SORCS3: variants seen among roughly 807,000 people sequenced by gnomAD.
SORCS3 encodes VPS10 domain-containing receptor SorCS3.
Under a neutral mutation model 146.3 loss-of-function variants are expected in SORCS3, and 57 were observed. The observed-to-expected ratio is 0.39, with a 90% CI of 0.31 to 0.49. SORCS3 has a LOEUF of 0.49. SORCS3 is among the 20% of genes least tolerant of loss of function. The pLI is 0.92. For synonymous variants in SORCS3, 653 were observed against 618.5 expected (o/e 1.06, Z -0.83); for missense variants, 1,341 against 1,575.5 (o/e 0.85, Z 2.52).
intron 4 of SORCS3, among the ~76,000 whole-genome samples, chr10:104,997,024 A>C (rs2055031574): frequency 6.6e-6 from 1 of 152,148 alleles, no homozygotes. Flanking sequence ...AGGATATTCT[A>C]GATAGTGCAA....
At chr10:105,162,581 C>T (rs959476405) in intron 11 of SORCS3, among the ~76,000 whole-genome samples, 1 of 152,218 alleles carries the variant, frequency 6.6e-6, no homozygotes, top group African/African-American at 2.4e-5. Context: ...AACCAACTTT[C>T]TGGTCTCTGT....
At chr10:104,642,015 T>TGGGGGGGGGGGGGG in intron 1 of SORCS3, 61 bp downstream of exon 1, 1 of 72,126 alleles carries the variant, frequency 1.4e-5, no homozygotes, top group Non-Finnish European at 2.7e-5. Flanking sequence ...AATGGGGGGG[T>TGGGGGGGGGGGGGG]GGGTGGGAGC....
At chr10:104,911,578 G>A (rs1436383470) in intron 2 of SORCS3, among the ~76,000 whole-genome samples, 2 of 152,148 alleles carry the variant, frequency 1.3e-5, no homozygotes, top group Non-Finnish European at 1.5e-5. Flanking sequence ...TAAGACTTTT[G>A]CTATAGATAG....
intron 16 of SORCS3, among the ~76,000 whole-genome samples, chr10:105,208,603 G>A (rs1241791570): frequency 6.7e-6 from 1 of 149,944 alleles, no homozygotes; most frequent in Non-Finnish European, 1.5e-5. Flanking sequence ...CACCTCAATA[G>A]CATGGACAAT....
At chr10:104,648,312 T>A (rs2015518599) in intron 1 of SORCS3, among the ~76,000 whole-genome samples, 1 of 151,644 alleles carries the variant, frequency 6.6e-6, no homozygotes, top group Non-Finnish European at 1.5e-5. Context: ...ACCCTGCTTA[T>A]TTTTTTTTCT....
intron 2 of SORCS3, among the ~76,000 whole-genome samples, chr10:104,901,671 C>T (rs996887400): frequency 6.6e-6 from 1 of 152,176 alleles, no homozygotes; most frequent in Non-Finnish European, 1.5e-5. Flanking sequence ...CCAGCCTTTC[C>T]TGGTGGTCTT....
rs2056448830 is a variant in SORCS3 at position 105,182,408 on chromosome 10, G to A, written c.2009+4235G>A. On this transcript the variant is annotated intron_variant, in intron 14 of 26. Coordinates refer to ENST00000369701, the MANE Select transcript of SORCS3 (RefSeq NM_014978.3). ...AAGAGGCAAAATAAGAGCAAGGAAT[G>A]TGAATTTCAAGCTCCAGGCTTGAAG... Among the ~76,000 whole-genome samples the A allele has an allele frequency of 2.6e-5, 4 of 152,024 alleles. No individual in the cohort carries two copies. The South Asian group carries it at 8.4e-4, about 32-fold the overall frequency.
intron 1 of SORCS3, among the ~76,000 whole-genome samples, chr10:104,816,716 C>G (rs1263284462): frequency 6.6e-6 from 1 of 152,142 alleles, no homozygotes; most frequent in Non-Finnish European, 1.5e-5. Context: ...GCTTGGAGGT[C>G]CCAGCTCTGC....
intron 1 of SORCS3, among the ~76,000 whole-genome samples, chr10:104,677,738 T>C (rs773919351): frequency 6.6e-6 from 1 of 152,184 alleles, no homozygotes; most frequent in Non-Finnish European, 1.5e-5. Flanking sequence ...TTCTGTAAGA[T>C]ATCCCTATAT....
chr10:105,202,798 G>C (rs1401091206), intron 16 of SORCS3, among the ~76,000 whole-genome samples: 1 of 152,156 alleles, frequency 6.6e-6, no homozygotes, highest in African/African-American at 2.4e-5. Context: ...TCCGATCCCA[G>C]CTGGATGAAT....
At chr10:104,693,680 T>G (rs72813622) in intron 1 of SORCS3, among the ~76,000 whole-genome samples, 6,467 of 152,192 alleles carry the variant, frequency 0.042, 189 homozygotes, top group Non-Finnish European at 0.065. Context: ...CACTCTCCAT[T>G]TAACAATTGA....
chr10:104,980,504 T>C (rs2054925931), intron 4 of SORCS3, among the ~76,000 whole-genome samples: 1 of 152,222 alleles, frequency 6.6e-6, no homozygotes, highest in Non-Finnish European at 1.5e-5. Context: ...TTGAGATTGA[T>C]ATACAAATGT....
At chr10:105,244,958 A>G (rs1389021931) in intron 20 of SORCS3, among the ~76,000 whole-genome samples, 2 of 151,728 alleles carry the variant, frequency 1.3e-5, no homozygotes, top group Admixed American at 6.6e-5. Flanking sequence ...AGTCCCAGCT[A>G]CTAGGGAGGT....
intron 17 of SORCS3, 73 bp downstream of exon 17, chr10:105,211,323 T>C (rs1341639162): frequency 8.0e-6 from 8 of 1,004,648 alleles, no homozygotes; most frequent in Non-Finnish European, 1.3e-5. Context: ...AGGAAATGCA[T>C]TGCTATTGAA....
At chr10:105,205,018 G>A (rs571235093) in intron 16 of SORCS3, among the ~76,000 whole-genome samples, 1 of 152,152 alleles carries the variant, frequency 6.6e-6, no homozygotes, top group Admixed American at 6.5e-5. Context: ...ATTAGCTAAG[G>A]CATCTGAAAT....
At chr10:105,234,624 G>T (rs1482151332) in intron 20 of SORCS3, among the ~76,000 whole-genome samples, 1 of 150,824 alleles carries the variant, frequency 6.6e-6, no homozygotes, top group Non-Finnish European at 1.5e-5. Flanking sequence ...CAAGCTCAGA[G>T]ATTCTTCCTC....
chr10:104,967,643 T>C (rs1388524692), intron 3 of SORCS3, among the ~76,000 whole-genome samples: 1 of 152,100 alleles, frequency 6.6e-6, no homozygotes, highest in African/African-American at 2.4e-5. Flanking sequence ...TTGGCATCAC[T>C]TCTGACTTCA....
intron 4 of SORCS3, among the ~76,000 whole-genome samples, chr10:104,984,724 G>A (rs1032954508): frequency 6.6e-6 from 1 of 151,980 alleles, no homozygotes; most frequent in Non-Finnish European, 1.5e-5. Flanking sequence ...AGATATTGTG[G>A]GTTCAGTTCC....
intron 8 of SORCS3, among the ~76,000 whole-genome samples, chr10:105,147,287 G>T (rs1359474099): frequency 1.3e-5 from 2 of 152,100 alleles, no homozygotes; most frequent in Non-Finnish European, 1.5e-5. Flanking sequence ...TTGCATGTGT[G>T]AGCTTCCTTT....
Sources: allele counts gnomAD v4.1 joint callset (sites outside exome capture counted in the v4.1 genomes callset), GRCh38; gene constraint gnomAD v4.1.1; transcripts MANE v1.5; gene names NCBI Gene and HGNC (gene_info 2026-07-23, HGNC 2026-07-21).